Variants in ARHGEF28 observed in about 807,000 individuals in gnomAD.
The protein encoded by ARHGEF28 is Rho guanine nucleotide exchange factor 28.
A neutral mutation model predicts 206.6 loss-of-function variants in ARHGEF28; 152 were observed. The observed-to-expected ratio is 0.74, with a 90% confidence interval of 0.64 to 0.84. The LOEUF (loss-of-function observed/expected upper bound fraction) is 0.84, where lower values mean the gene tolerates loss of function less well. Ranked by LOEUF, ARHGEF28 falls within the 40% of genes least tolerant of loss-of-function variation. The probability of loss-of-function intolerance (pLI) is 0.00; values close to 1 mark genes in which losing one functional copy is unlikely to be tolerated. For missense variants in ARHGEF28, 2,028 were observed against 2,073.2 expected (o/e 0.98, Z 0.42); for synonymous variants, 763 against 776.4 (o/e 0.98, Z 0.29).
At position 73,909,565 on chromosome 5, in the gene ARHGEF28, A is replaced by G; in HGVS notation, c.4315A>G (p.Asn1439Asp). Residue 1439 changes from asparagine to aspartate, a missense_variant, in exon 34 of 36, where the codon AAT (asparagine) becomes GAT (aspartate). Physicochemically the swap from Asn to Asp is conservative, Grantham distance 23. Transcript: ENST00000513042. ...GGACAGGCAGCATGAGGAGCTGGCC[A>G]ATGTGCACCAGCTTCAGCACCAGCT... ...DADRQHEELA[N>D]VHQLQHQLQQ... The G allele has an allele frequency of 6.4e-7, 1 of 1,570,612 alleles. No individual in the cohort carries two copies. The highest frequency in any genetic ancestry group is 8.6e-7 in the Non-Finnish European group (1 of 1,158,056).
intron 9 of ARHGEF28, among the ~76,000 whole-genome samples, chr5:73,818,414 AG>A (rs1756363177): frequency 1.3e-5 from 2 of 152,064 alleles, no homozygotes; most frequent in African/African-American, 4.8e-5. Flanking sequence ...CCTTTTGTCA[AG>A]TTTCATCAGA....
At position 73,892,079 on chromosome 5, in the gene ARHGEF28, CA is replaced by C; in HGVS notation, c.3419del (p.Lys1140SerfsTer16). ...VDQKPSVISL[Q>X]KLIAREVANE... ...TCAGAAGCCATCAGTTATTTCCCTTCAAAAGCTTATTGCTAGAGAAGTTGCT... is the reference window on the plus strand; with the variant it reads ...TCAGAAGCCATCAGTTATTTCCCTTCAAAGCTTATTGCTAGAGAAGTTGCT... On this transcript the variant is annotated frameshift_variant, in exon 27 of 36. Coordinates refer to ENST00000513042, the MANE Select transcript of ARHGEF28 (RefSeq NM_001177693.2). LOFTEE classifies it high-confidence loss of function. 6.2e-7 allele frequency: 1 copy of C among 1,602,022 alleles called. No homozygotes were observed. The highest frequency in any genetic ancestry group is 8.5e-7 in the Non-Finnish European group (1 of 1,173,692).
intron 4 of ARHGEF28, among the ~76,000 whole-genome samples, chr5:73,755,610 G>A (rs1752264728): frequency 6.6e-6 from 1 of 152,162 alleles, no homozygotes; most frequent in Non-Finnish European, 1.5e-5. Context: ...TATTTTTTAT[G>A]CCGATATTTA....
intron 1 of ARHGEF28, among the ~76,000 whole-genome samples, chr5:73,644,897 A>G (rs2112149284): frequency 6.6e-6 from 1 of 152,300 alleles, no homozygotes; most frequent in Non-Finnish European, 1.5e-5. Context: ...ATCATGGTTA[A>G]TTATTGCTAT....
intron 1 of ARHGEF28, among the ~76,000 whole-genome samples, chr5:73,637,670 A>AT (rs1324570676): frequency 1.3e-5 from 2 of 152,014 alleles, no homozygotes; most frequent in Admixed American, 1.3e-4. Context: ...GTGTTATTTG[A>AT]TTTTTTGAGC....
In ARHGEF28 at chr5:73,882,454, T is replaced by G; in HGVS notation, c.2815-18T>G. 1 of 1,394,344 alleles carries G rather than the reference T, an allele frequency of 7.2e-7. No homozygotes were observed. Among genetic ancestry groups the G allele is most frequent in the Non-Finnish European group, 9.6e-7 (1 of 1,043,354 alleles). The allele number at this position is 1,394,344 out of a possible 1,614,324, so 86.4% of individuals were successfully genotyped here. On this transcript the variant is annotated intron_variant, in intron 22 of 35. Coordinates refer to ENST00000513042, the MANE Select transcript of ARHGEF28 (RefSeq NM_001177693.2). ...CTTACTAAATTTACAAACCATTATT[T>G]AAATGTTATTCTTCCAGTTTTCAGA...
Position 73,909,779 on chromosome 5 carries a change from G to C in ARHGEF28, c.4529G>C (p.Gly1510Ala). 6.6e-7 allele frequency: 1 copy of C among 1,516,074 alleles called. No homozygotes were observed. The highest frequency in any genetic ancestry group is 8.8e-7 in the Non-Finnish European group (1 of 1,135,960). 93.9% of individuals were successfully genotyped at this position (1,516,074 alleles called of 1,614,324 possible). ...YQHSLERLREGQRLVEREQAR... is the reference protein window; with the variant it reads ...YQHSLERLREAQRLVEREQAR... ...CACAGCCTGGAGCGGCTGAGGGAGG[G>C]CCAGCGCCTGGTGGAGAGGGAGCAG... is the stretch of plus-strand genomic sequence containing the variant. Residue 1510 changes from glycine (G) to alanine (A), a missense_variant, in exon 34 of 36, where the codon GGC becomes GCC. By Grantham distance (60) the Gly-to-Ala change is moderately conservative (BLOSUM62 0). Coordinates refer to ENST00000513042, the MANE Select transcript of ARHGEF28 (RefSeq NM_001177693.2).
At chr5:73,737,357 C>A (rs943760852) in intron 2 of ARHGEF28, among the ~76,000 whole-genome samples, 1 of 150,732 alleles carries the variant, frequency 6.6e-6, no homozygotes, top group Non-Finnish European at 1.5e-5. Flanking sequence ...TTTGTTTTTC[C>A]AGCTCTTTCT....
chr5:73,721,495 C>T (rs1749941939), intron 2 of ARHGEF28, among the ~76,000 whole-genome samples: 1 of 152,088 alleles, frequency 6.6e-6, no homozygotes, highest in Non-Finnish European at 1.5e-5. Flanking sequence ...GGTATATTTT[C>T]CCCCCAGAAG....
At chr5:73,807,498 T>TG (rs1430362975) in intron 9 of ARHGEF28, among the ~76,000 whole-genome samples, 3 of 151,948 alleles carry the variant, frequency 2.0e-5, no homozygotes, top group African/African-American at 7.3e-5. Context: ...TTTTTTTTTT[T>TG]TTTGAGATGG....
intron 35 of ARHGEF28, among the ~76,000 whole-genome samples, chr5:73,913,927 A>G (rs1182211194): frequency 6.6e-6 from 1 of 152,166 alleles, no homozygotes; most frequent in Non-Finnish European, 1.5e-5. Flanking sequence ...CCTTTTGCCT[A>G]GTCTGGTACT....
chr5:73,721,802 A>G (rs1475654500), intron 2 of ARHGEF28, among the ~76,000 whole-genome samples: 1 of 152,184 alleles, frequency 6.6e-6, no homozygotes, highest in Non-Finnish European at 1.5e-5. Flanking sequence ...AATTAATGGT[A>G]TCCTTGATTT....
At position 73,764,424 on chromosome 5, in the gene ARHGEF28, G is replaced by A. The variant is rs916295851; in HGVS notation, c.476-9431G>A. Among the ~76,000 whole-genome samples, 14 of 152,224 alleles carry A rather than the reference G, an allele frequency of 9.2e-5. 1 individual carries two copies. In the South Asian group the frequency reaches 1.7e-3, roughly 18 times the overall value. On this transcript the variant is annotated intron_variant, in intron 4 of 35. Coordinates refer to ENST00000513042, the MANE Select transcript of ARHGEF28 (RefSeq NM_001177693.2). Reference sequence around the variant, plus strand: ...TAAAGTTGCAACTGATTTAGTATTCGTTCCACAAGCTAAAATAAAGTATAT... The same window carrying A: ...TAAAGTTGCAACTGATTTAGTATTCATTCCACAAGCTAAAATAAAGTATAT...
intron 10 of ARHGEF28, among the ~76,000 whole-genome samples, chr5:73,837,766 G>GTTTATTT: frequency 7.0e-6 from 1 of 142,502 alleles, no homozygotes. Context: ...TTTTGAGACA[G>GTTTATTT]AGTCTTCCTC....
intron 35 of ARHGEF28, among the ~76,000 whole-genome samples, chr5:73,922,132 C>T (rs1205943296): frequency 6.6e-6 from 1 of 152,178 alleles, no homozygotes; most frequent in Non-Finnish European, 1.5e-5. Context: ...TTGAAGTTTC[C>T]ATTTCTCAAA....
intron 2 of ARHGEF28, among the ~76,000 whole-genome samples, chr5:73,720,895 G>T (rs1749898310): frequency 6.6e-6 from 1 of 152,162 alleles, no homozygotes; most frequent in Non-Finnish European, 1.5e-5. Context: ...AGGATCTGAA[G>T]AACCTTTGGG....
At position 73,811,577 on chromosome 5, in the gene ARHGEF28, C is replaced by T. The variant is rs558860210; in HGVS notation, c.1024+16186C>T. Among the ~76,000 whole-genome samples, 16 of 152,270 alleles carry T rather than the reference C, an allele frequency of 1.1e-4. No homozygotes were observed. The East Asian group carries it at 3.1e-3, about 29-fold the overall frequency. ...TCTTCCACAAGATTTGGTATATTTT[C>T]TAATTAAAGATCCATATGGACTAAA... On this transcript the variant is annotated intron_variant, in intron 9 of 35. Coordinates refer to ENST00000513042, the MANE Select transcript of ARHGEF28 (RefSeq NM_001177693.2).
chr5:73,815,728 T>G (rs1756164376), intron 9 of ARHGEF28, among the ~76,000 whole-genome samples: 1 of 152,226 alleles, frequency 6.6e-6, no homozygotes, highest in African/African-American at 2.4e-5. Flanking sequence ...TATCATGCTC[T>G]CCTTTTAAAT....
chr5:73,745,770 G>A (rs930479394), intron 2 of ARHGEF28, among the ~76,000 whole-genome samples: 11 of 152,046 alleles, frequency 7.2e-5, no homozygotes, highest in African/African-American at 2.7e-4. Flanking sequence ...GACAGGGAAA[G>A]GGAATGATTC....
Sources: gnomAD v4.1 joint callset for allele counts (sites outside exome capture counted in the v4.1 genomes callset) on GRCh38, gnomAD v4.1.1 for gene constraint, MANE v1.5 for transcripts, NCBI Gene and HGNC (gene_info 2026-07-23, HGNC 2026-07-21) for gene names.